Variants in LTBP1 observed in about 807,000 individuals in gnomAD.
LTBP1 encodes the protein latent transforming growth factor beta binding protein 1, also known as latent-transforming growth factor beta-binding protein 1.
A neutral mutation model predicts 207.6 loss-of-function variants in LTBP1; 129 were observed. That is an observed-to-expected ratio of 0.62 (90% confidence interval 0.54 to 0.72). The LOEUF (loss-of-function observed/expected upper bound fraction) is 0.72, where lower values mean the gene tolerates loss of function less well. LTBP1 is among the 30% of genes least tolerant of loss of function. The pLI, the probability that LTBP1 is intolerant of heterozygous loss-of-function variation, is 0.00. For missense variants in LTBP1, 2,281 were observed against 2,217.2 expected, an observed-to-expected ratio of 1.03 and a Z score of -0.58; for synonymous variants, 963 against 833.7, an observed-to-expected ratio of 1.16 and a Z score of -2.67.
chr2:33,098,250 A>G (rs2079507233), intron 3 of LTBP1, among the ~76,000 whole-genome samples: 1 of 152,216 alleles, frequency 6.6e-6, no homozygotes, highest in Middle Eastern at 3.4e-3. Context: ...TATTTAGTGA[A>G]TTGCTTATTC....
chr2:33,258,846 T>A (rs953627151), intron 12 of LTBP1, among the ~76,000 whole-genome samples: 1 of 152,194 alleles, frequency 6.6e-6, no homozygotes, highest in Non-Finnish European at 1.5e-5. Context: ...TTGATTGACT[T>A]ATGAGAAAAA....
chr2:33,200,076 A>T (rs947161815), intron 7 of LTBP1, among the ~76,000 whole-genome samples: 4 of 152,224 alleles, frequency 2.6e-5, no homozygotes, highest in African/African-American at 7.2e-5. Flanking sequence ...ATTCAATGCC[A>T]TCCCCATCAA....
intron 24 of LTBP1, among the ~76,000 whole-genome samples, chr2:33,338,928 GA>G (rs2094583962): frequency 6.6e-6 from 1 of 152,168 alleles, no homozygotes; most frequent in African/African-American, 2.4e-5. Context: ...CCCTACTAAG[GA>G]GTGTGGTTAC....
intron 18 of LTBP1, among the ~76,000 whole-genome samples, chr2:33,278,583 A>G (rs1358322539): frequency 6.6e-6 from 1 of 152,190 alleles, no homozygotes; most frequent in Non-Finnish European, 1.5e-5. Context: ...TTCCTAATTT[A>G]TAGAAGAGGG....
chr2:33,116,504 G>A (rs2080753430), intron 4 of LTBP1, among the ~76,000 whole-genome samples: 1 of 152,074 alleles, frequency 6.6e-6, no homozygotes, highest in Non-Finnish European at 1.5e-5. Context: ...ATGTGCTAAC[G>A]TGGGGGAGAA....
At chr2:33,018,599 G>GC (rs1688716871) in intron 2 of LTBP1, among the ~76,000 whole-genome samples, 1 of 152,102 alleles carries the variant, frequency 6.6e-6, no homozygotes, top group South Asian at 2.1e-4. Flanking sequence ...CCATGGCTGA[G>GC]CAGGGACCCA....
chr2:33,207,584 G>A (rs1374861970), intron 7 of LTBP1, among the ~76,000 whole-genome samples: 1 of 152,144 alleles, frequency 6.6e-6, no homozygotes, highest in African/African-American at 2.4e-5. Flanking sequence ...AGTTCTCTTA[G>A]AAAATCTGGA....
intron 26 of LTBP1, among the ~76,000 whole-genome samples, chr2:33,360,227 T>C (rs1436996080): frequency 1.3e-5 from 2 of 152,156 alleles, no homozygotes; most frequent in Admixed American, 1.3e-4. Context: ...GGTCAAGTAT[T>C]TGGGAAAATT....
intron 24 of LTBP1, among the ~76,000 whole-genome samples, chr2:33,324,572 CTA>C (rs532205909): frequency 3.4e-4 from 51 of 152,038 alleles, no homozygotes; most frequent in Middle Eastern, 6.8e-3. Context: ...CATTTAACAA[CTA>C]TTTTATTTTT....
At chr2:33,190,594 C>G (rs560227213) in intron 7 of LTBP1, among the ~76,000 whole-genome samples, 2 of 152,284 alleles carry the variant, frequency 1.3e-5, no homozygotes, top group East Asian at 3.9e-4. Context: ...GCTTCCTTAT[C>G]TGCAAAGTAG....
chr2:33,198,065 G>A (rs909145500), intron 7 of LTBP1, among the ~76,000 whole-genome samples: 5 of 152,230 alleles, frequency 3.3e-5, no homozygotes, highest in Non-Finnish European at 5.9e-5. Context: ...AATAACACAT[G>A]AACCCACTTT....
chr2:32,999,360 G>A (rs1023105860), intron 2 of LTBP1, among the ~76,000 whole-genome samples: 4 of 152,238 alleles, frequency 2.6e-5, no homozygotes, highest in African/African-American at 9.6e-5. Context: ...CATCCAAGGT[G>A]ATTAAGACAG....
chr2:33,363,042 G>A (rs1285399561), intron 28 of LTBP1, among the ~76,000 whole-genome samples: 1 of 152,148 alleles, frequency 6.6e-6, no homozygotes, highest in African/African-American at 2.4e-5. Flanking sequence ...ATACATTACA[G>A]AACACATTTC....
intron 2 of LTBP1, among the ~76,000 whole-genome samples, chr2:33,003,276 A>G (rs1686313977): frequency 6.6e-6 from 1 of 152,210 alleles, no homozygotes; most frequent in South Asian, 2.1e-4. Context: ...TTGCAAGAGT[A>G]ATTTTGACTG....
chr2:33,314,554 A>T (rs1010777523), intron 23 of LTBP1, among the ~76,000 whole-genome samples: 1 of 152,198 alleles, frequency 6.6e-6, no homozygotes, highest in African/African-American at 2.4e-5. Context: ...TCTCTAAAAT[A>T]ACTAAACAGG....
At position 33,295,580 on chromosome 2, in the gene LTBP1, A is replaced by G. The variant is rs575030057; in HGVS notation, c.3235+2298A>G. 9.9e-4 allele frequency among the ~76,000 whole-genome samples: 150 copies of G among 152,182 alleles called. 2 individuals are homozygous for G. The highest frequency in any genetic ancestry group is 3.4e-3 in the Middle Eastern group (1 of 294). On this transcript the variant is annotated intron_variant, in intron 20 of 33. Transcript: ENST00000404816. Reference sequence around the variant, plus strand: ...AATAATAAATATGTGTACATTACGTATACATTTTTGGTGGTACACTGTTGT... The same window carrying G: ...AATAATAAATATGTGTACATTACGTGTACATTTTTGGTGGTACACTGTTGT...
At chr2:33,017,680 T>G (rs778024514) in intron 2 of LTBP1, among the ~76,000 whole-genome samples, 5 of 152,086 alleles carry the variant, frequency 3.3e-5, no homozygotes, top group Admixed American at 1.3e-4. Context: ...GCAGTGGCGC[T>G]ATCTCGGCTC....
At chr2:33,278,514 T>C (rs1170694455) in intron 18 of LTBP1, among the ~76,000 whole-genome samples, 1 of 152,236 alleles carries the variant, frequency 6.6e-6, no homozygotes, top group Non-Finnish European at 1.5e-5. Flanking sequence ...TATTGTAGTT[T>C]ACAGACATTA....
chr2:33,276,597 T>A (rs914016442), intron 18 of LTBP1, among the ~76,000 whole-genome samples: 3 of 152,260 alleles, frequency 2.0e-5, no homozygotes, highest in African/African-American at 7.2e-5. Context: ...ACGCCTGCAA[T>A]CCCAGTGCTT....
Sources: allele counts gnomAD v4.1 joint callset (sites outside exome capture counted in the v4.1 genomes callset), GRCh38; gene constraint gnomAD v4.1.1; transcripts MANE v1.5; gene names NCBI Gene and HGNC (gene_info 2026-07-23, HGNC 2026-07-21).